The following FAM184A variants were observed in gnomAD, a reference collection of about 807,000 sequenced individuals.
FAM184A encodes family with sequence similarity 184 member A.
A neutral mutation model predicts 143.8 loss-of-function variants in FAM184A; 99 were observed. That is an observed-to-expected ratio of 0.69 (90% CI 0.58 to 0.81). The LOEUF (loss-of-function observed/expected upper bound fraction) is 0.81, where lower values mean the gene tolerates loss of function less well. FAM184A is among the 40% of genes least tolerant of loss of function. The pLI is 0.00. For synonymous variants in FAM184A, 427 were observed against 446.4 expected (o/e 0.96, Z 0.55); for missense variants, 1,217 against 1,310.5 (o/e 0.93, Z 1.10).
At chr6:119,145,662 A>G (rs1772401546) in intron 1 of FAM184A, among the ~76,000 whole-genome samples, 1 of 152,212 alleles carries the variant, frequency 6.6e-6, no homozygotes, top group African/African-American at 2.4e-5. Context: ...TATTTCAACC[A>G]CATTCCTCTC....
chr6:119,066,818 T>C (rs1787468814), intron 1 of FAM184A, among the ~76,000 whole-genome samples: 1 of 152,294 alleles, frequency 6.6e-6, no homozygotes, highest in South Asian at 2.1e-4. Context: ...TTGCAGAAGT[T>C]TTCTGTATGT....
chr6:119,109,410 G>T (rs1398142680), intron 1 of FAM184A, among the ~76,000 whole-genome samples: 2 of 152,114 alleles, frequency 1.3e-5, no homozygotes, highest in African/African-American at 4.8e-5. Flanking sequence ...CCCTTTGGGT[G>T]CTCTGATTCT....
At position 118,974,427 on chromosome 6, in the gene FAM184A, C is replaced by T. The variant is rs189374060; in HGVS notation, c.2915+1G>A. ...GAATTTTCTTATATAATATGACTTA[C>T]GACACTTGTAAAGCGGCATTTATTT... On this transcript the variant is annotated splice_donor_variant, in intron 14 of 17. Transcript: ENST00000338891. LOFTEE classifies it high-confidence loss of function. 27 of 1,606,344 alleles carry T rather than the reference C, an allele frequency of 1.7e-5. No individual in the cohort carries two copies. In the East Asian group the frequency reaches 3.1e-4, roughly 19 times the overall value.
In FAM184A at chr6:119,078,461, G is replaced by C; in HGVS notation, c.-162C>G. 2.9e-6 allele frequency: 2 copies of C among 682,384 alleles called. No individual in the cohort carries two copies. The highest frequency in any genetic ancestry group is 2.2e-6 in the Non-Finnish European group (1 of 453,468). 42.3% of individuals were successfully genotyped at this position (682,384 alleles called of 1,614,324 possible). A position where few individuals can be genotyped will look rare whatever the true frequency, so the allele number is the denominator to read the frequency against. ...GCGCCGTCCCACCCGCGACCCCCGG[G>C]TCACCCCTGGAAGGGACGGGGCGGT... On this transcript the variant is annotated 5_prime_UTR_variant, in exon 1 of 18. Coordinates refer to ENST00000338891, the MANE Select transcript of FAM184A (RefSeq NM_024581.6). The surrounding 1 kb of genome is among the most constrained non-coding windows in gnomAD (Gnocchi z 5.5).
At chr6:119,116,194 AGGGACTG>A (rs1485267123) in intron 1 of FAM184A, among the ~76,000 whole-genome samples, 1 of 152,178 alleles carries the variant, frequency 6.6e-6, no homozygotes, top group Admixed American at 6.5e-5. Flanking sequence ...GAAGGGGAAA[AGGGACTG>A]GTGGGCTTGA....
intron 9 of FAM184A, among the ~76,000 whole-genome samples, chr6:118,997,474 GA>G (rs1430437627): frequency 2.0e-5 from 3 of 152,134 alleles, no homozygotes; most frequent in Admixed American, 2.0e-4. Context: ...TGGATCACCT[GA>G]GGTCAGGAGT....
intron 9 of FAM184A, among the ~76,000 whole-genome samples, chr6:118,991,667 C>A (rs915535725): frequency 6.7e-6 from 1 of 149,366 alleles, no homozygotes; most frequent in African/African-American, 2.5e-5. Flanking sequence ...CACAAAGGGG[C>A]CAGCTGGCTT....
chr6:119,087,517 A>G (rs1346181073), intron 1 of FAM184A, among the ~76,000 whole-genome samples: 8 of 152,218 alleles, frequency 5.3e-5, no homozygotes, highest in Non-Finnish European at 8.8e-5. Context: ...TATAAATGCA[A>G]ATCAAAGCCA....
At chr6:119,140,583 C>T (rs1258182259) in intron 1 of FAM184A, among the ~76,000 whole-genome samples, 1 of 152,230 alleles carries the variant, frequency 6.6e-6, no homozygotes, top group African/African-American at 2.4e-5. Context: ...TCAGCATCAT[C>T]TCATCCGCAC....
At chr6:118,981,660 C>T (rs1784028835) in intron 9 of FAM184A, among the ~76,000 whole-genome samples, 1 of 152,122 alleles carries the variant, frequency 6.6e-6, no homozygotes, top group Non-Finnish European at 1.5e-5. Context: ...GCCACCATAT[C>T]CCTTTAAAAA....
chr6:118,974,492 T>A lies in FAM184A; in HGVS notation c.2851A>T (p.Met951Leu), dbSNP rs768767509. The stretch of plus-strand genomic sequence containing the variant: ...TTAGTCTTATTAAAATCTGCCCGCA[T>A]GATATTTTTCTCTCTGAGGTGGTCT... ...TADHLREKNI[M>L]RADFNKTNEL... Residue 951 changes from methionine (M) to leucine (L), a missense_variant, in exon 14 of 18, where the codon ATG becomes TTG. Transcript: ENST00000338891. The A allele has an allele frequency of 1.2e-6, 2 of 1,612,908 alleles. No individual in the cohort carries two copies. The highest frequency in any genetic ancestry group is 1.7e-6 in the Non-Finnish European group (2 of 1,179,360).
intron 1 of FAM184A, among the ~76,000 whole-genome samples, chr6:119,026,306 C>T (rs1785633089): frequency 6.6e-6 from 1 of 152,022 alleles, no homozygotes; most frequent in Admixed American, 6.6e-5. Flanking sequence ...AATAAGGTAA[C>T]ACAGATCCCA....
At chr6:119,054,404 A>C (rs767517214) in intron 1 of FAM184A, among the ~76,000 whole-genome samples, 40 of 152,222 alleles carry the variant, frequency 2.6e-4, no homozygotes, top group Non-Finnish European at 4.6e-4. Context: ...CTGGGTGGCA[A>C]GGGCCTGTTC....
intron 1 of FAM184A, among the ~76,000 whole-genome samples, chr6:119,143,178 A>G (rs1772303954): frequency 6.6e-6 from 1 of 152,232 alleles, no homozygotes; most frequent in Non-Finnish European, 1.5e-5. Context: ...ATCTCTAGGA[A>G]GCTAATACCA....
chr6:119,070,746 A>G (rs1049844115), intron 1 of FAM184A, among the ~76,000 whole-genome samples: 1 of 152,150 alleles, frequency 6.6e-6, no homozygotes. Context: ...TGGGGCACCA[A>G]TTCTGACATT....
intron 1 of FAM184A, among the ~76,000 whole-genome samples, chr6:119,123,592 G>A (rs1789283524): frequency 1.3e-5 from 2 of 152,172 alleles, no homozygotes; most frequent in South Asian, 4.1e-4. Flanking sequence ...GCCCAATCAT[G>A]GTTGGCAAGG....
intron 1 of FAM184A, among the ~76,000 whole-genome samples, chr6:119,075,774 C>G (rs1787850893): frequency 6.6e-6 from 1 of 152,026 alleles, no homozygotes; most frequent in Non-Finnish European, 1.5e-5. Flanking sequence ...ATAACAGTCC[C>G]TCTCTCTCTA....
chr6:119,035,036 T>C (rs9387629), intron 1 of FAM184A, among the ~76,000 whole-genome samples: 64,327 of 152,052 alleles, frequency 0.42, 15,358 homozygotes, highest in East Asian at 0.75. Context: ...TTTTCCTGAG[T>C]GGAGTTTGTG....
rs375398063 is a variant in FAM184A at position 119,113,621 on chromosome 6, GAGAGAGAGAGAGAA to G, written c.-202+35443_-202+35456del. ...TGAGTACAGTACAATAAGATATTGA[GAGAGAGAGAGAGAA>G]AGAGAGAGAGAGAGAGACCACATTC... On this transcript the variant is annotated intron_variant, in intron 1 of 16. Coordinates refer to the FAM184A transcript ENST00000352896. 5.5e-4 allele frequency among the ~76,000 whole-genome samples: 79 copies of G among 144,774 alleles called. 1 individual carries two copies. Among genetic ancestry groups the G allele is most frequent in the Admixed American group, 1.2e-3 (18 of 14,766 alleles). 95.0% of individuals were successfully genotyped at this position (144,774 alleles called of 152,430 possible).
Sources: gnomAD v4.1 joint callset for allele counts (sites outside exome capture counted in the v4.1 genomes callset) on GRCh38, gnomAD v4.1.1 for gene constraint, Gnocchi (gnomAD v3.1) non-coding constraint, MANE v1.5 for transcripts, NCBI Gene and HGNC (gene_info 2026-07-23, HGNC 2026-07-21) for gene names.